Variants in COL6A6 observed in about 807,000 individuals in gnomAD.
COL6A6 encodes collagen type VI alpha 6 chain.
Under a neutral mutation model 208.6 loss-of-function variants are expected in COL6A6, and 183 were observed. The observed-to-expected ratio is 0.88, with a 90% confidence interval of 0.78 to 0.99. COL6A6 has a LOEUF of 0.99. Ranked by LOEUF, COL6A6 falls within the 50% of genes least tolerant of loss-of-function variation. COL6A6 has a pLI of 0.00. For missense variants in COL6A6, 2,816 were observed against 2,815.2 expected, an observed-to-expected ratio of 1.00 and a Z score of -0.01; for synonymous variants, 973 against 1,011.8, an observed-to-expected ratio of 0.96 and a Z score of 0.73.
chr3:130,552,911 A>G (rs1274467418), intron 1 of COL6A6, among the ~76,000 whole-genome samples: 1 of 152,184 alleles, frequency 6.6e-6, no homozygotes, highest in Non-Finnish European at 1.5e-5. Context: ...ATGAAGATTC[A>G]TTTAACTGAA....
intron 1 of COL6A6, among the ~76,000 whole-genome samples, chr3:130,558,980 T>A (rs1215068449): frequency 6.6e-6 from 1 of 152,150 alleles, no homozygotes; most frequent in Admixed American, 6.5e-5. Context: ...CTTGCATCAG[T>A]TACTTCCCCT....
In COL6A6 at chr3:130,634,202, T is replaced by TAA. The variant is rs1177021616; in HGVS notation, c.4993-378_4993-377dup. ...AAATAAATCTCAAGCTATAAAATGTTAAAAAAAAAAATAAATAAATAAATA... is the reference window on the plus strand; with the variant it reads ...AAATAAATCTCAAGCTATAAAATGTTAAAAAAAAAAAAATAAATAAATAAATA... On this transcript the variant is annotated intron_variant, in intron 26 of 36. Coordinates refer to ENST00000358511, the MANE Select transcript of COL6A6 (RefSeq NM_001102608.3). 4.1e-4 allele frequency among the ~76,000 whole-genome samples: 15 copies of TAA among 36,378 alleles called. 1 individual carries two copies. The African/African-American group carries it at 4.6e-3, about 11-fold the overall frequency. 23.9% of individuals were successfully genotyped at this position (36,378 alleles called of 152,430 possible).
intron 6 of COL6A6, 83 bp from the exon 7 acceptor site, chr3:130,570,735 T>C: frequency 9.7e-7 from 1 of 1,028,296 alleles, no homozygotes. Context: ...GAGAAAACAC[T>C]AGCAATTTAT....
At chr3:130,634,270 C>T (rs1399712132) in intron 26 of COL6A6, among the ~76,000 whole-genome samples, 1 of 125,612 alleles carries the variant, frequency 8.0e-6, no homozygotes, top group Non-Finnish European at 1.8e-5. Context: ...AAAAAAAGAT[C>T]GTGTCAGAGA....
chr3:130,550,728 G>A (rs1049516018), intron 1 of COL6A6, among the ~76,000 whole-genome samples: 8 of 152,144 alleles, frequency 5.3e-5, no homozygotes, highest in Admixed American at 5.2e-4. Context: ...CTCCCCCTGG[G>A]TCCCTCCCAC....
At position 130,635,691 on chromosome 3, in the gene COL6A6, G is replaced by T; in HGVS notation, c.5029-8G>T. On this transcript the variant is annotated splice_region_variant and splice_polypyrimidine_tract_variant and intron_variant, in intron 27 of 36. Coordinates refer to ENST00000358511, the MANE Select transcript of COL6A6 (RefSeq NM_001102608.3). ...TAATAACTATTTTACTTTAATAAAT[G>T]TATTTAGGGTGAGATTGGGGACCCT... 1 of 1,589,314 alleles carries T rather than the reference G, an allele frequency of 6.3e-7. No individual in the cohort carries two copies. The highest frequency in any genetic ancestry group is 8.6e-7 in the Non-Finnish European group (1 of 1,159,396).
chr3:130,555,163 C>T (rs1043849883), intron 1 of COL6A6, among the ~76,000 whole-genome samples: 1 of 152,220 alleles, frequency 6.6e-6, no homozygotes, highest in African/African-American at 2.4e-5. Context: ...AGGCTGGAGT[C>T]CTGCCCCTAC....
At chr3:130,544,807 C>A (rs548130704) in intron 1 of COL6A6, among the ~76,000 whole-genome samples, 19 of 152,278 alleles carry the variant, frequency 1.2e-4, no homozygotes, top group African/African-American at 4.6e-4. Flanking sequence ...TTTTCATATA[C>A]CTGTTGGCCA....
At chr3:130,604,837 C>T (rs947117119) in intron 20 of COL6A6, among the ~76,000 whole-genome samples, 1 of 152,230 alleles carries the variant, frequency 6.6e-6, no homozygotes. Context: ...AGGTCTGTTC[C>T]ACTTCCGTTA....
intron 20 of COL6A6, among the ~76,000 whole-genome samples, chr3:130,603,263 G>C (rs944246018): frequency 2.0e-5 from 3 of 152,172 alleles, no homozygotes; most frequent in Non-Finnish European, 4.4e-5. Flanking sequence ...CTTTGCTGTG[G>C]GGGGCTAGGC....
At chr3:130,563,916 G>A (rs2107873521) in intron 3 of COL6A6, among the ~76,000 whole-genome samples, 1 of 152,270 alleles carries the variant, frequency 6.6e-6, no homozygotes, top group African/African-American at 2.4e-5. Context: ...ATTTAGGGAT[G>A]CTTTCTCCCT....
chr3:130,551,433 G>T (rs1375151255), intron 1 of COL6A6, among the ~76,000 whole-genome samples: 1 of 152,030 alleles, frequency 6.6e-6, no homozygotes, highest in Non-Finnish European at 1.5e-5. Flanking sequence ...GTTTCTTCTA[G>T]ATTTTCTAGT....
intron 36 of COL6A6, among the ~76,000 whole-genome samples, chr3:130,671,153 A>C (rs774508587): frequency 2.0e-5 from 3 of 152,178 alleles, no homozygotes; most frequent in South Asian, 4.1e-4. Context: ...CAGAAGGAAG[A>C]AAGCTTTTTT....
intron 28 of COL6A6, among the ~76,000 whole-genome samples, chr3:130,639,889 T>TAGG (rs1388827501): frequency 1.3e-5 from 2 of 152,002 alleles, no homozygotes; most frequent in Admixed American, 1.3e-4. Context: ...ACCTGGAGAG[T>TAGG]AAAGGTCTGG....
chr3:130,527,041 A>T (rs1438878452), intron 1 of COL6A6, among the ~76,000 whole-genome samples: 8 of 152,212 alleles, frequency 5.3e-5, no homozygotes, highest in Non-Finnish European at 1.2e-4. Context: ...ATGTCTCTAC[A>T]TTCCTCTTTT....
chr3:130,634,982 C>T (rs2065068452), intron 27 of COL6A6, among the ~76,000 whole-genome samples: 1 of 152,142 alleles, frequency 6.6e-6, no homozygotes, highest in Admixed American at 6.5e-5. Flanking sequence ...TGCCTGTAAT[C>T]CCAGCACTTT....
chr3:130,546,310 A>AAG (rs2062494674), intron 1 of COL6A6, among the ~76,000 whole-genome samples: 1 of 150,312 alleles, frequency 6.7e-6, no homozygotes, highest in South Asian at 2.1e-4. Flanking sequence ...TACAGCTCTT[A>AAG]AGGTGGTGCG....
At chr3:130,598,326 C>A in intron 18 of COL6A6, 39 bp from the exon 19 acceptor site, 1 of 1,351,444 alleles carries the variant, frequency 7.4e-7, no homozygotes. Flanking sequence ...GGAGAAATGT[C>A]CAAATATATT....
At chr3:130,644,931 A>T in intron 31 of COL6A6, 60 bp from the exon 32 acceptor site, 1 of 1,520,798 alleles carries the variant, frequency 6.6e-7, no homozygotes, top group Non-Finnish European at 9.1e-7. Context: ...TTCCTGCACG[A>T]TACAGAACTC....
Sources: allele counts gnomAD v4.1 joint callset (sites outside exome capture counted in the v4.1 genomes callset), GRCh38; gene constraint gnomAD v4.1.1; transcripts MANE v1.5; gene names NCBI Gene and HGNC (gene_info 2026-07-23, HGNC 2026-07-21).